Variants in NBPF3 observed in about 807,000 individuals in gnomAD.
NBPF3 encodes the protein NBPF member 3.
A neutral mutation model predicts 78.1 loss-of-function variants in NBPF3; 57 were observed. That is an observed-to-expected ratio of 0.73 (90% CI 0.59 to 0.91). NBPF3 has a LOEUF of 0.91. Among genes scored for constraint, NBPF3 ranks in the 40% least tolerant of loss-of-function variants. The pLI, the probability that NBPF3 is intolerant of heterozygous loss-of-function variation, is 0.00. For missense variants in NBPF3, 510 were observed against 715.3 expected (o/e 0.71, Z 3.27); for synonymous variants, 182 against 271.7 (o/e 0.67, Z 3.25).
upstream of NBPF3, among the ~76,000 whole-genome samples, chr1:21,437,141 C>T (rs1640441382): frequency 6.6e-6 from 1 of 151,882 alleles, no homozygotes; most frequent in Non-Finnish European, 1.5e-5. Flanking sequence ...GAGCCAGGAC[C>T]CTGGGAAAAG....
chr1:21,437,278 G>A (rs1305919015), upstream of NBPF3: 1 of 393,366 alleles, frequency 2.5e-6, no homozygotes, highest in South Asian at 3.1e-5. Flanking sequence ...GAACCCAGGA[G>A]AGGAGTGTGC....
intron 2 of NBPF3, chr1:21,467,438 A>G: frequency 6.9e-6 from 6 of 864,468 alleles, no homozygotes; most frequent in Non-Finnish European, 8.3e-6. Context: ...ACTCTTTCCT[A>G]CTCATTCCTC....
At position 21,474,953 on chromosome 1, in the gene NBPF3, T is replaced by A; in HGVS notation, c.992+2T>A. 2 of 1,599,116 alleles carry A rather than the reference T, an allele frequency of 1.3e-6. No homozygotes were observed. Among genetic ancestry groups the A allele is most frequent in the Non-Finnish European group, 1.7e-6 (2 of 1,170,760 alleles). ...AGAAAAAGGGCCAGTGTCTCCCAGGTAATGCCATGGAATTGTGGGCTGTTA... is the reference window on the plus strand; with the variant it reads ...AGAAAAAGGGCCAGTGTCTCCCAGGAAATGCCATGGAATTGTGGGCTGTTA... On this transcript the variant is annotated splice_donor_variant, in intron 8 of 14. Transcript: ENST00000318249. LOFTEE classifies it high-confidence loss of function.
In NBPF3 at chr1:21,473,528, A is replaced by C; in HGVS notation, c.883A>C (p.Thr295Pro). 6.2e-7 allele frequency: 1 copy of C among 1,613,386 alleles called. No individual in the cohort carries two copies. The highest frequency in any genetic ancestry group is 1.3e-5 in the African/African-American group (1 of 74,730). ...ATTTGAGGAAGACCAAGTCGACTCA[A>C]CTCTCATTGACTCATCCTCTCATGA... The part of the protein sequence containing the change: ...ITFEEDQVDS[T>P]LIDSSSHDEW... The change falls in exon 7 of 15, where the codon ACT becomes CCT. Residue 295 changes from threonine (T) to proline (P), a missense_variant. Physicochemically the swap from Thr to Pro is conservative, Grantham distance 38. This residue lies in a region of NBPF3 where 440 missense variants were observed against 478.2 expected (regional missense o/e 0.92). Coordinates refer to ENST00000318249, the MANE Select transcript of NBPF3 (RefSeq NM_032264.6).
At position 21,444,934 on chromosome 1, in the gene NBPF3, CT is replaced by C; in HGVS notation, c.-139-10del. On this transcript the variant is annotated splice_polypyrimidine_tract_variant and intron_variant, in intron 1 of 14. Transcript: ENST00000318249. ...TCTCAATGTTAACCTTGATTTCTCT[CT>C]TTTATCTCACAGGCAATCTGAAGGC... is the stretch of plus-strand genomic sequence containing the variant. 1 of 755,278 alleles carries C rather than the reference CT, an allele frequency of 1.3e-6. No individual in the cohort carries two copies. The allele number at this position is 755,278 out of a possible 1,614,324, so 46.8% of individuals were successfully genotyped here. A position where few individuals can be genotyped will look rare whatever the true frequency, so the allele number is the denominator to read the frequency against.
chr1:21,479,812 C>A lies in NBPF3; in HGVS notation c.1209-239C>A, dbSNP rs4654754. Among the ~76,000 whole-genome samples the A allele has an allele frequency of 6.3e-3, 195 of 31,150 alleles. 2 individuals are homozygous for A. The South Asian group carries it at 0.082, about 13-fold the overall frequency. The allele number at this position is 31,150 out of a possible 152,430, so 20.4% of individuals were successfully genotyped here. A position where few individuals can be genotyped will look rare whatever the true frequency, so the allele number is the denominator to read the frequency against. Reference sequence around the variant, plus strand: ...TCACTATCTCTCTCTCTCTCTCTCTCTCTCTCTCTGTGTGTGTGTGTGTGT... The same window carrying A: ...TCACTATCTCTCTCTCTCTCTCTCTATCTCTCTCTGTGTGTGTGTGTGTGT... On this transcript the variant is annotated intron_variant, in intron 10 of 14. Coordinates refer to ENST00000318249, the MANE Select transcript of NBPF3 (RefSeq NM_032264.6).
chr1:21,437,254 T>C (rs577497336), upstream of NBPF3: 3 of 342,972 alleles, frequency 8.7e-6, no homozygotes, highest in Admixed American at 1.5e-4. Flanking sequence ...CTGGGAGCCC[T>C]CGGGGTGGTG....
rs117626793 is a variant in NBPF3, at chr1:21,440,269, C to G, written c.-219C>G. The G allele has an allele frequency of 0.025, 3,763 of 148,150 alleles. 81 individuals carry two copies. The highest frequency in any genetic ancestry group is 0.096 in the East Asian group (494 of 5,158). The allele number at this position is 148,150 out of a possible 1,614,324, so 9.2% of individuals were successfully genotyped here. On this transcript the variant is annotated 5_prime_UTR_variant, in exon 1 of 15. Transcript: ENST00000318249. ...GACTGGCAACCTGCGGCGCCAGGAG[C>G]TGGGCCGAGGCGCGGCGGCGCGGCT... is the stretch of plus-strand genomic sequence containing the variant.
At chr1:21,462,189 G>T (rs1220529745) in intron 2 of NBPF3, among the ~76,000 whole-genome samples, 1 of 152,152 alleles carries the variant, frequency 6.6e-6, no homozygotes, top group Non-Finnish European at 1.5e-5. Flanking sequence ...GGCACCTCTT[G>T]TCTTGATAAA....
At position 21,484,873 on chromosome 1, in the gene NBPF3, C is replaced by T. The variant is rs1643384691; in HGVS notation, c.*1487C>T. The T allele has an allele frequency of 2.1e-5, 1 of 47,618 alleles. No individual in the cohort carries two copies. The highest frequency in any genetic ancestry group is 5.6e-5 in the African/African-American group (1 of 17,814). 2.9% of individuals were successfully genotyped at this position (47,618 alleles called of 1,614,324 possible). ...AATTTTTGTCCAAAGTTATTTTAAT[C>T]TATACAATTAAAAACTTTTGCCTAT... On this transcript the variant is annotated 3_prime_UTR_variant, in exon 15 of 15. Coordinates refer to ENST00000318249, the MANE Select transcript of NBPF3 (RefSeq NM_032264.6).
rs529806911 is a variant in NBPF3 at position 21,476,421 on chromosome 1, T to C, written c.992+1470T>C. Among the ~76,000 whole-genome samples the C allele has an allele frequency of 6.6e-6, 1 of 152,198 alleles. No individual in the cohort carries two copies. The highest frequency in any genetic ancestry group is 1.5e-5 in the Non-Finnish European group (1 of 68,034). ...TGCAGTGGCTGGCTGGTACTGGTTGTTCCTTTCCATGTTTAGTGCTTCCTT... is the reference window on the plus strand; with the variant it reads ...TGCAGTGGCTGGCTGGTACTGGTTGCTCCTTTCCATGTTTAGTGCTTCCTT... On this transcript the variant is annotated intron_variant, in intron 8 of 14. Transcript: ENST00000318249. This position sits in a 1 kb window ranked among gnomAD's most constrained non-coding sequence, Gnocchi z 4.1.
intron 6 of NBPF3, among the ~76,000 whole-genome samples, 161 bp downstream of exon 6, chr1:21,473,076 G>T (rs1006349542): frequency 2.0e-5 from 3 of 152,196 alleles, no homozygotes; most frequent in Admixed American, 6.5e-5. Flanking sequence ...GGCAGCTGTT[G>T]TGTTTCTCTG....
chr1:21,475,004 T>C, intron 8 of NBPF3, 53 bp downstream of exon 8: 1 of 1,503,790 alleles, frequency 6.6e-7, no homozygotes, highest in East Asian at 2.3e-5. Flanking sequence ...CTGGAGTTTG[T>C]AGATTTAGAG....
intron 2 of NBPF3, among the ~76,000 whole-genome samples, chr1:21,452,085 A>G (rs899892034): frequency 2.6e-5 from 4 of 152,238 alleles, no homozygotes; most frequent in African/African-American, 9.7e-5. Context: ...CATTCTTTAG[A>G]TAAGAATTTA....
At chr1:21,479,320 TA>T (rs1558507301) in intron 9 of NBPF3, 28 bp from the exon 10 acceptor site, 1 of 1,607,800 alleles carries the variant, frequency 6.2e-7, no homozygotes, top group East Asian at 2.2e-5. Flanking sequence ...CTGCTTCATG[TA>T]AGAGGCCCTG....
At chr1:21,439,229 A>C (rs1209170300), upstream of NBPF3, among the ~76,000 whole-genome samples, 1 of 152,166 alleles carries the variant, frequency 6.6e-6, no homozygotes, top group African/African-American at 2.4e-5. Flanking sequence ...CAGTGAGCTG[A>C]GATTGTGCCA....
chr1:21,465,650 C>T (rs1403747392), intron 2 of NBPF3, among the ~76,000 whole-genome samples: 1 of 152,216 alleles, frequency 6.6e-6, no homozygotes, highest in East Asian at 1.9e-4. Flanking sequence ...GTCGCAGTGA[C>T]ACTCCAACTT....
chr1:21,456,793 A>G (rs1003169736), intron 2 of NBPF3, among the ~76,000 whole-genome samples: 3 of 152,238 alleles, frequency 2.0e-5, no homozygotes, highest in African/African-American at 7.2e-5. Context: ...ATGCTTTTCT[A>G]TTAAATCAGA....
At chr1:21,443,343 AT>A (rs1352154676) in intron 1 of NBPF3, among the ~76,000 whole-genome samples, 1 of 152,190 alleles carries the variant, frequency 6.6e-6, no homozygotes, top group Non-Finnish European at 1.5e-5. Context: ...GTTCAGAATG[AT>A]TGCTAGAGGT....
Sources: gnomAD v4.1 joint callset for allele counts (sites outside exome capture counted in the v4.1 genomes callset) on GRCh38, gnomAD v4.1.1 for gene constraint, gnomAD v4.1.1 regional missense constraint, Gnocchi (gnomAD v3.1) non-coding constraint, MANE v1.5 for transcripts, NCBI Gene and HGNC (gene_info 2026-07-23, HGNC 2026-07-21) for gene names.